Variants in KMT2D observed in about 807,000 individuals in gnomAD.
KMT2D encodes the protein histone-lysine N-methyltransferase 2D.
A neutral mutation model predicts 512.7 loss-of-function variants in KMT2D; 55 were observed. The observed-to-expected ratio is 0.11, with a 90% CI of 0.09 to 0.13. The LOEUF is 0.13. Ranked by LOEUF, KMT2D falls within the 10% of genes least tolerant of loss-of-function variation. KMT2D has a pLI of 1.00. For synonymous variants in KMT2D, 2,995 were observed against 2,904.0 expected (o/e 1.03, Z -1.01); for missense variants, 6,061 against 7,127.9 (o/e 0.85, Z 5.39).
Position 49,043,880 on chromosome 12 carries a change from A to T in KMT2D, c.5307T>A (p.Pro1769=), listed in dbSNP as rs2120574580. 6.2e-7 allele frequency: 1 copy of T among 1,614,092 alleles called. No individual in the cohort carries two copies. Among genetic ancestry groups the T allele is most frequent in the Non-Finnish European group, 8.5e-7 (1 of 1,179,906 alleles). Residue 1769 remains proline, a synonymous_variant, in exon 23 of 55, where the codon CCT becomes CCA. Coordinates refer to ENST00000301067, the MANE Select transcript of KMT2D (RefSeq NM_003482.4). ...GCCTGAGACCCACCTGCAAGTAAGC[A>T]GGGAACATGTCCTCCAGTTTGCTCT... ...RKKSKLEDMF[P]AYLQEAFFGK...
At position 49,032,991 on chromosome 12, in the gene KMT2D, T is replaced by A. The variant is rs1334139538; in HGVS notation, c.11714A>T (p.Gln3905Leu). 13 of 1,549,438 alleles carry A rather than the reference T, an allele frequency of 8.4e-6. No individual in the cohort carries two copies. Among genetic ancestry groups the A allele is most frequent in the South Asian group, 2.4e-5 (2 of 83,974 alleles). Residue 3905 changes from glutamine to leucine, a missense_variant, in exon 40 of 55, where the codon CAG becomes CTG. Gln to Leu is a moderately radical substitution (Grantham distance 113). Around this residue, in one of 16 missense-constraint regions of KMT2D, gnomAD observed 1,600 missense variants for 1,754.9 expected, o/e 0.91. Coordinates refer to ENST00000301067, the MANE Select transcript of KMT2D (RefSeq NM_003482.4). Reference protein sequence around the residue: ...GSLQQLQQQQQLQQQQQLQQQ... With the variant: ...GSLQQLQQQQLLQQQQQLQQQ... The stretch of plus-strand genomic sequence containing the variant: ...CTGAAGTTGCTGTTGCTGTTGCAGC[T>A]GCTGCTGCTGCTGAAGCTGCTGTAA...
Position 49,048,692 on chromosome 12 carries a change from G to A in KMT2D, c.4098C>T (p.Leu1366=). ...GGACAAATTTGTCTGTGTTGGAGAA[G>A]AGAACCACGGTATTCTGCATGGTGT... ...DDDTMQNTVV[L]FSNTDKFVLM... The change falls in exon 14 of 55, where the codon CTC becomes CTT. Residue 1366 remains leucine, a synonymous_variant. Transcript: ENST00000301067. 2 of 1,613,690 alleles carry A rather than the reference G, an allele frequency of 1.2e-6. No homozygotes were observed. Among genetic ancestry groups the A allele is most frequent in the Non-Finnish European group, 8.5e-7 (1 of 1,179,614 alleles).
Position 49,034,437 on chromosome 12 carries a change from G to C in KMT2D, c.10480C>G (p.Pro3494Ala). 1.2e-6 allele frequency: 2 copies of C among 1,613,840 alleles called. No individual in the cohort carries two copies. Among genetic ancestry groups the C allele is most frequent in the Non-Finnish European group, 1.7e-6 (2 of 1,179,834 alleles). ...AGDPSQPRPN[P>A]PTFAQGVINE... ...ATCACTCCCTGAGCAAAAGTGGGCG[G>C]GTTGGGACGAGGCTGGGAGGGATCA... is the stretch of plus-strand genomic sequence containing the variant. Residue 3494 changes from proline (P) to alanine (A), a missense_variant, in exon 38 of 55, where the codon CCG becomes GCG. This residue lies in a region of KMT2D where 533 missense variants were observed against 539.6 expected (regional missense o/e 0.99). Coordinates refer to ENST00000301067, the MANE Select transcript of KMT2D (RefSeq NM_003482.4).
intron 24 of KMT2D, 52 bp downstream of exon 24, chr12:49,043,583 A>G: frequency 6.2e-7 from 1 of 1,608,616 alleles, no homozygotes; most frequent in South Asian, 1.1e-5. Flanking sequence ...GCCAGCTCCT[A>G]AGCCAGAAGA....
In KMT2D at chr12:49,038,415, G is replaced by C. The variant is rs747753219; in HGVS notation, c.8941C>G (p.Leu2981Val). Residue 2981 changes from leucine (L) to valine (V), a missense_variant, in exon 35 of 55, where the codon CTG becomes GTG. Transcript: ENST00000301067. This position sits in a 1 kb window ranked among gnomAD's most constrained non-coding sequence, Gnocchi z 5.7. ...TELGRPNPLA[L>V]EAGKLPCEDP... Reference sequence around the variant, plus strand: ...TCACAGGGCAACTTCCCAGCTTCCAGGGCCAGAGGATTGGGGCGGCCAAGC... The same window carrying C: ...TCACAGGGCAACTTCCCAGCTTCCACGGCCAGAGGATTGGGGCGGCCAAGC... 26 of 1,613,512 alleles carry C rather than the reference G, an allele frequency of 1.6e-5. No homozygotes were observed. The highest frequency in any genetic ancestry group is 2.1e-5 in the Non-Finnish European group (25 of 1,179,668).
Position 49,020,807 on chromosome 12 carries a change from G to A in KMT2D, c.*973C>T, listed in dbSNP as rs1942286931. 4.9e-6 allele frequency: 1 copy of A among 204,810 alleles called. No individual in the cohort carries two copies. The highest frequency in any genetic ancestry group is 1.0e-5 in the Non-Finnish European group (1 of 99,712). 12.7% of individuals were successfully genotyped at this position (204,810 alleles called of 1,614,324 possible). A position where few individuals can be genotyped will look rare whatever the true frequency, so the allele number is the denominator to read the frequency against. The stretch of plus-strand genomic sequence containing the variant: ...GATGAGGTTGGGAAAACAGGAGGGA[G>A]ATATCCTGGTCCTAGGTTTAGCTCC... On this transcript the variant is annotated 3_prime_UTR_variant, in exon 55 of 55. Coordinates refer to ENST00000301067, the MANE Select transcript of KMT2D (RefSeq NM_003482.4).
At chr12:49,057,217 A>G (rs1938463570) in intron 1 of KMT2D, among the ~76,000 whole-genome samples, 1 of 152,180 alleles carries the variant, frequency 6.6e-6, no homozygotes, top group African/African-American at 2.4e-5. Context: ...CGGAAGGTCC[A>G]AGGGGCCCTT....
At position 49,045,956 on chromosome 12, in the gene KMT2D, G is replaced by A. The variant is rs2120596957; in HGVS notation, c.4705C>T (p.Pro1569Ser). The A allele has an allele frequency of 1.2e-6, 2 of 1,613,992 alleles. No individual in the cohort carries two copies. The highest frequency in any genetic ancestry group is 8.5e-7 in the Non-Finnish European group (1 of 1,179,878). Residue 1569 changes from proline to serine, a missense_variant, in exon 19 of 55, where the codon CCT becomes TCT. This residue lies in a region of KMT2D where 640 missense variants were observed against 814.3 expected (regional missense o/e 0.79). Coordinates refer to ENST00000301067, the MANE Select transcript of KMT2D (RefSeq NM_003482.4). The stretch of plus-strand genomic sequence containing the variant: ...ACCTTCATGGGCACCAGCTCTGGAG[G>A]TGCAACAGGCGCTATGGAGAGAAGG... ...YVVKPVAPVAPPELVPMKVKE... is the reference protein window; with the variant it reads ...YVVKPVAPVASPELVPMKVKE...
At position 49,032,479 on chromosome 12, in the gene KMT2D, G is replaced by A; in HGVS notation, c.12226C>T (p.Leu4076=). ...GGCTGGGGCTGGGGTTGGACAAGCA[G>A]GAGTTGTGAGTCCCCAGAGAGTGAG... The part of the protein sequence containing the change: ...KPSLSGDSQL[L]LVQPQPQPQP... Residue 4076 remains leucine, a synonymous_variant, in exon 40 of 55, where the codon CTG becomes TTG. Coordinates refer to ENST00000301067, the MANE Select transcript of KMT2D (RefSeq NM_003482.4). The A allele has an allele frequency of 1.3e-6, 2 of 1,567,890 alleles. No homozygotes were observed. Among genetic ancestry groups the A allele is most frequent in the Admixed American group, 1.9e-5 (1 of 52,216 alleles).
At chr12:49,025,432 C>A (rs1942528258) in intron 49 of KMT2D, among the ~76,000 whole-genome samples, 1 of 152,248 alleles carries the variant, frequency 6.6e-6, no homozygotes, top group Non-Finnish European at 1.5e-5. Context: ...TATGTTACAA[C>A]TGCCTACAGT....
intron 1 of KMT2D, among the ~76,000 whole-genome samples, chr12:49,056,360 CA>C (rs1258105701): frequency 1.3e-5 from 2 of 152,008 alleles, no homozygotes; most frequent in Non-Finnish European, 2.9e-5. Context: ...GTATCAGAGC[CA>C]AATGAAACAC....
At chr12:49,047,817 C>T (rs1349574836) in intron 15 of KMT2D, 148 bp downstream of exon 15, 4 of 585,626 alleles carry the variant, frequency 6.8e-6, no homozygotes, top group Non-Finnish European at 1.3e-5. Flanking sequence ...AAGTACTTTT[C>T]CCCAAGAAAA....
rs779260688 is a variant in KMT2D at position 49,044,765 on chromosome 12, C to T, written c.4942G>A (p.Asp1648Asn). ...DDKKDGDLDT[D>N]ELLKGEGGVE... ...TAACCTTCACCCTTGAGCAGCTCAT[C>T]GGTGTCCAGGTCCCCATCCTTCTTG... Residue 1648 changes from aspartate to asparagine, a missense_variant, in exon 20 of 55, where the codon GAT becomes AAT. By Grantham distance (23) the Asp-to-Asn change is conservative. Transcript: ENST00000301067. This position sits in a 1 kb window ranked among gnomAD's most constrained non-coding sequence, Gnocchi z 6.4. 9.9e-6 allele frequency: 16 copies of T among 1,613,738 alleles called. No individual in the cohort carries two copies. The highest frequency in any genetic ancestry group is 6.7e-5 in the East Asian group (3 of 44,886).
Position 49,022,663 on chromosome 12 carries a change from AT to A in KMT2D, c.16264del (p.Met5422TrpfsTer34). 6.2e-7 allele frequency: 1 copy of A among 1,613,740 alleles called. No individual in the cohort carries two copies. Among genetic ancestry groups the A allele is most frequent in the Non-Finnish European group, 8.5e-7 (1 of 1,179,860 alleles). ...GATGGTGCCAATGTACTCGATAACC[AT>A]TGTGTGCTTTTCTAGGTCCTTGGCT... The part of the protein sequence containing the change: ...YAAKDLEKHT[M>X]VIEYIGTIIR... On this transcript the variant is annotated frameshift_variant, in exon 52 of 55. Coordinates refer to ENST00000301067, the MANE Select transcript of KMT2D (RefSeq NM_003482.4). LOFTEE classifies it high-confidence loss of function. This position sits in a 1 kb window ranked among gnomAD's most constrained non-coding sequence, Gnocchi z 8.6.
At position 49,052,247 on chromosome 12, in the gene KMT2D, A is replaced by G. The variant is rs1438792292; in HGVS notation, c.1436T>C (p.Leu479Pro). Residue 479 changes from leucine (L) to proline (P), a missense_variant, in exon 11 of 55, where the codon CTT becomes CCT. Physicochemically the swap from Leu to Pro is moderately conservative, Grantham distance 98 (BLOSUM62 -3). Around this residue, in one of 16 missense-constraint regions of KMT2D, gnomAD observed 848 missense variants for 838.5 expected, o/e 1.01. Coordinates refer to ENST00000301067, the MANE Select transcript of KMT2D (RefSeq NM_003482.4). ...CCGGGACAGGTGCAATGCCTCAGGA[A>G]GTGGGGATGCGGGCAATTCCTCAGG... Reference protein sequence around the residue: ...PPPEELPASPLPEALHLSRPL... With the variant: ...PPPEELPASPPPEALHLSRPL... The G allele has an allele frequency of 2.6e-6, 4 of 1,538,730 alleles. No individual in the cohort carries two copies. The highest frequency in any genetic ancestry group is 1.9e-5 in the Admixed American group (1 of 53,184).
At position 49,033,482 on chromosome 12, in the gene KMT2D, T is replaced by C. The variant is rs1447079073; in HGVS notation, c.11223A>G (p.Gln3741=). ...GTCCTAGAAGGTGCTGCTGCTGCTG[T>C]TGCTGCTGCTGCTGCTGCTGCAGTT... ...AQKLQQQQQQ[Q]QQQQHLLGQV... The change falls in exon 40 of 55, where the codon CAA becomes CAG. Residue 3741 remains glutamine, a synonymous_variant. Transcript: ENST00000301067. 6 of 1,611,218 alleles carry C rather than the reference T, an allele frequency of 3.7e-6. No homozygotes were observed. Among genetic ancestry groups the C allele is most frequent in the African/African-American group, 1.3e-5 (1 of 74,758 alleles).
chr12:49,046,119 C>T lies in KMT2D; in HGVS notation c.4639G>A (p.Ala1547Thr), dbSNP rs761155455. Reference protein sequence around the residue: ...LFTEDDVEQAADEGFDCVSCQ... With the variant: ...LFTEDDVEQATDEGFDCVSCQ... Reference sequence around the variant, plus strand: ...GAGACACAGTCAAAGCCTTCATCGGCTGCCTGCTCCACATCGTCCTCTGTG... The same window carrying T: ...GAGACACAGTCAAAGCCTTCATCGGTTGCCTGCTCCACATCGTCCTCTGTG... The change falls in exon 18 of 55, where the codon GCC becomes ACC. Residue 1547 changes from alanine (A) to threonine (T), a missense_variant. Ala to Thr is a moderately conservative substitution (Grantham distance 58). This residue lies in a region of KMT2D where 640 missense variants were observed against 814.3 expected (regional missense o/e 0.79). Transcript: ENST00000301067. The surrounding 1 kb of genome is among the most constrained non-coding windows in gnomAD (Gnocchi z 4.2). The T allele has an allele frequency of 1.5e-5, 24 of 1,610,826 alleles. No individual in the cohort carries two copies. The highest frequency in any genetic ancestry group is 2.0e-5 in the Non-Finnish European group (23 of 1,178,526).
Position 49,031,729 on chromosome 12 carries a change from G to T in KMT2D, c.12976C>A (p.Pro4326Thr), listed in dbSNP as rs754156341. ...EPKRPSQLPS[P>T]SSQLPTEAQL... is the part of the protein sequence containing the mutation. ...GCCTCAGTGGGAAGCTGGGAGCTGG[G>T]GGAAGGTAATTGTGAAGGTCTCTTT... Residue 4326 changes from proline to threonine, a missense_variant, in exon 40 of 55, where the codon CCC becomes ACC. Around this residue, in one of 16 missense-constraint regions of KMT2D, gnomAD observed 1,600 missense variants for 1,754.9 expected, o/e 0.91. Coordinates refer to ENST00000301067, the MANE Select transcript of KMT2D (RefSeq NM_003482.4). The T allele has an allele frequency of 6.2e-7, 1 of 1,613,222 alleles. No individual in the cohort carries two copies. The highest frequency in any genetic ancestry group is 1.1e-5 in the South Asian group (1 of 90,920).
At position 49,044,713 on chromosome 12, in the gene KMT2D, T is replaced by C. The variant is rs2120586652; in HGVS notation, c.4963+31A>G. 1 of 1,600,226 alleles carries C rather than the reference T, an allele frequency of 6.2e-7. No homozygotes were observed. Among genetic ancestry groups the C allele is most frequent in the Non-Finnish European group, 8.6e-7 (1 of 1,168,718 alleles). On this transcript the variant is annotated intron_variant, in intron 20 of 54. Transcript: ENST00000301067. This position sits in a 1 kb window ranked among gnomAD's most constrained non-coding sequence, Gnocchi z 6.4. ...ACTCCCAGAGTCACGCTCCCCCTACTCTGCCGCTCCCTAAGATTCCCCAAG... is the reference window on the plus strand; with the variant it reads ...ACTCCCAGAGTCACGCTCCCCCTACCCTGCCGCTCCCTAAGATTCCCCAAG...
Sources: allele counts gnomAD v4.1 joint callset (sites outside exome capture counted in the v4.1 genomes callset), GRCh38; gene constraint gnomAD v4.1.1; regional missense constraint gnomAD v4.1.1; non-coding constraint Gnocchi (gnomAD v3.1); transcripts MANE v1.5; gene names NCBI Gene and HGNC (gene_info 2026-07-23, HGNC 2026-07-21).